The following IRS2 variants were observed in gnomAD, a reference collection of about 807,000 sequenced individuals.
IRS2 encodes the protein insulin receptor substrate 2.
IRS2 carries 28 observed loss-of-function variants against 70.9 expected under a neutral mutation model. The observed-to-expected ratio is 0.39, with a 90% CI of 0.29 to 0.54. The LOEUF is 0.54. Ranked by LOEUF, IRS2 falls within the 20% of genes least tolerant of loss-of-function variation. IRS2 has a pLI of 0.59. For synonymous variants in IRS2, 1,217 were observed against 981.9 expected (o/e 1.24, Z -4.48); for missense variants, 2,081 against 2,024.1 (o/e 1.03, Z -0.54).
chr13:109,780,300 T>G (rs1877667994), intron 1 of IRS2, among the ~76,000 whole-genome samples: 1 of 152,262 alleles, frequency 6.6e-6, no homozygotes, highest in Non-Finnish European at 1.5e-5. Context: ...GCTGTGTTTA[T>G]AATGGTCTGT....
Position 109,786,256 on chromosome 13 carries a change from G to A in IRS2, c.-203C>T, listed in dbSNP as rs868608961. 6.9e-3 allele frequency: 1,069 copies of A among 155,700 alleles called. 12 individuals carry two copies. The highest frequency in any genetic ancestry group is 0.024 in the African/African-American group (979 of 41,008). 9.6% of individuals were successfully genotyped at this position (155,700 alleles called of 1,614,324 possible). A position where few individuals can be genotyped will look rare whatever the true frequency, so the allele number is the denominator to read the frequency against. On this transcript the variant is annotated 5_prime_UTR_variant, in exon 1 of 2. Coordinates refer to ENST00000375856, the MANE Select transcript of IRS2 (RefSeq NM_003749.3). The surrounding 1 kb of genome is among the most constrained non-coding windows in gnomAD (Gnocchi z 4.4). Reference sequence around the variant, plus strand: ...CGCTCGGCGGCGCCGCGCCCTCCGCGCTCTGGGGCTCCTGAGGATGCCCGG... The same window carrying A: ...CGCTCGGCGGCGCCGCGCCCTCCGCACTCTGGGGCTCCTGAGGATGCCCGG...
rs1381868281 is a variant in IRS2 at position 109,785,919 on chromosome 13, C to G, written c.135G>C (p.Lys45Asn). The G allele has an allele frequency of 6.7e-7, 1 of 1,497,330 alleles. No individual in the cohort carries two copies. The highest frequency in any genetic ancestry group is 1.4e-5 in the African/African-American group (1 of 69,342). The allele number at this position is 1,497,330 out of a possible 1,614,324, so 92.8% of individuals were successfully genotyped here. The part of the protein sequence containing the change: ...GYLRKQKHGH[K>N]RFFVLRGPGA... Reference sequence around the variant, plus strand: ...CGGGTCCGCGCAGCACGAAGAAGCGCTTGTGGCCATGCTTCTGCTTGCGCA... The same window carrying G: ...CGGGTCCGCGCAGCACGAAGAAGCGGTTGTGGCCATGCTTCTGCTTGCGCA... Residue 45 changes from lysine (K) to asparagine (N), a missense_variant, in exon 1 of 2, where the codon AAG becomes AAC. Physicochemically the swap from Lys to Asn is moderately conservative, Grantham distance 94 (BLOSUM62 0). This residue lies in a region of IRS2 where 320 missense variants were observed against 352.9 expected (regional missense o/e 0.91). Coordinates refer to ENST00000375856, the MANE Select transcript of IRS2 (RefSeq NM_003749.3). This position sits in a 1 kb window ranked among gnomAD's most constrained non-coding sequence, Gnocchi z 9.3.
chr13:109,758,342 T>C (rs375006659), intron 1 of IRS2, among the ~76,000 whole-genome samples: 1 of 152,234 alleles, frequency 6.6e-6, no homozygotes, highest in East Asian at 1.9e-4. Context: ...AATTGCTTAT[T>C]TTATTTTGAC....
At chr13:109,768,609 G>A (rs896512450) in intron 1 of IRS2, among the ~76,000 whole-genome samples, 1 of 97,934 alleles carries the variant, frequency 1.0e-5, no homozygotes, top group African/African-American at 6.6e-5. Flanking sequence ...ATAAGCCGAT[G>A]GTTAGCAGGT....
chr13:109,785,219 C>T lies in IRS2; in HGVS notation c.835G>A (p.Val279Met), dbSNP rs756421554. ...ELWMQADDSV[V>M]AQNIHETILE... The stretch of plus-strand genomic sequence containing the variant: ...ATGGTCTCGTGGATGTTCTGCGCCA[C>T]CACCGAGTCGTCCGCCTGCATCCAC... The change falls in exon 1 of 2, where the codon GTG becomes ATG. Residue 279 changes from valine to methionine, a missense_variant. Physicochemically the swap from Val to Met is conservative, Grantham distance 21. Coordinates refer to ENST00000375856, the MANE Select transcript of IRS2 (RefSeq NM_003749.3). The surrounding 1 kb of genome is among the most constrained non-coding windows in gnomAD (Gnocchi z 9.3). 2 of 1,604,250 alleles carry T rather than the reference C, an allele frequency of 1.2e-6. No homozygotes were observed. Among genetic ancestry groups the T allele is most frequent in the Non-Finnish European group, 1.7e-6 (2 of 1,176,354 alleles).
chr13:109,757,922 T>C (rs1243361342), intron 1 of IRS2, among the ~76,000 whole-genome samples: 1 of 148,664 alleles, frequency 6.7e-6, no homozygotes, highest in African/African-American at 2.6e-5. Flanking sequence ...CCTCAGGTGA[T>C]CCACCCACTT....
chr13:109,783,719 T>C lies in IRS2; in HGVS notation c.2335A>G (p.Thr779Ala). 6.4e-7 allele frequency: 1 copy of C among 1,574,562 alleles called. No homozygotes were observed. The change falls in exon 1 of 2, where the codon ACC (threonine) becomes GCC (alanine). Residue 779 changes from threonine to alanine, a missense_variant. Physicochemically the swap from Thr to Ala is moderately conservative, Grantham distance 58. This residue lies in a region of IRS2 where 1,615 missense variants were observed against 1,459.5 expected (regional missense o/e 1.11). Coordinates refer to ENST00000375856, the MANE Select transcript of IRS2 (RefSeq NM_003749.3). ...GCTGCGGAGAAGAAGTCGGGCGGGG[T>C]GCCCGTGGTGACCGCGTCGCTGGGG... ...VSPSDAVTTG[T>A]PPDFFSAALH...
chr13:109,784,547 A>T lies in IRS2; in HGVS notation c.1507T>A (p.Tyr503Asn), dbSNP rs2138936182. The stretch of plus-strand genomic sequence containing the variant: ...CGCAGGTCGCCTGGGCTGGAGCCGT[A>T]CTCGTCCAGGGACATGAAGCCGGGG... ...SDPGFMSLDE[Y>N]GSSPGDLRAF... Residue 503 changes from tyrosine (Y) to asparagine (N), a missense_variant, in exon 1 of 2, where the codon TAC becomes AAC. Physicochemically the swap from Tyr to Asn is moderately radical, Grantham distance 143. Transcript: ENST00000375856. This position sits in a 1 kb window ranked among gnomAD's most constrained non-coding sequence, Gnocchi z 5.2. 1 of 1,490,658 alleles carries T rather than the reference A, an allele frequency of 6.7e-7. No homozygotes were observed. The highest frequency in any genetic ancestry group is 1.3e-5 in the South Asian group (1 of 75,864). 92.3% of individuals were successfully genotyped at this position (1,490,658 alleles called of 1,614,324 possible). A position where few individuals can be genotyped will look rare whatever the true frequency, so the allele number is the denominator to read the frequency against.
At position 109,756,111 on chromosome 13, in the gene IRS2, A is replaced by G; in HGVS notation, c.*193T>C. ...ACAATGATGAATGCCCCATCCGGGA[A>G]CAAGGGAAAGAGGCAGGTGACCTTG... On this transcript the variant is annotated 3_prime_UTR_variant, in exon 2 of 2. Coordinates refer to ENST00000375856, the MANE Select transcript of IRS2 (RefSeq NM_003749.3). 3.4e-6 allele frequency: 2 copies of G among 580,556 alleles called. No individual in the cohort carries two copies. The highest frequency in any genetic ancestry group is 2.8e-5 in the East Asian group (1 of 36,298). The allele number at this position is 580,556 out of a possible 1,614,324, so 36.0% of individuals were successfully genotyped here.
rs1293771876 is a variant in IRS2 at position 109,783,387 on chromosome 13, C to A, written c.2667G>T (p.Arg889Ser). The A allele has an allele frequency of 6.7e-7, 1 of 1,497,220 alleles. No individual in the cohort carries two copies. The highest frequency in any genetic ancestry group is 1.3e-5 in the South Asian group (1 of 78,772). The allele number at this position is 1,497,220 out of a possible 1,614,324, so 92.7% of individuals were successfully genotyped here. ...GFLGQRGRAV[R>S]PTRLSLEGLP... ...GCCCCTCCAGGGACAGGCGCGTGGG[C>A]CTCACCGCCCGGCCGCGCTGGCCCA... Residue 889 changes from arginine to serine, a missense_variant, in exon 1 of 2, where the codon AGG becomes AGT. Transcript: ENST00000375856.
Position 109,784,089 on chromosome 13 carries a change from G to A in IRS2, c.1965C>T (p.Pro655=), listed in dbSNP as rs1269184366. The change falls in exon 1 of 2, where the codon CCC becomes CCT. Residue 655 remains proline, a synonymous_variant. Transcript: ENST00000375856. The surrounding 1 kb of genome is among the most constrained non-coding windows in gnomAD (Gnocchi z 5.2). ...CCGCGAGGGCCGCGCCGGGCGTCAT[G>A]GGCATGTAGCCGTCGTCTGCCCCCA... ...SNLGADDGYM[P]MTPGAALAGS... 12 of 1,589,760 alleles carry A rather than the reference G, an allele frequency of 7.5e-6. No individual in the cohort carries two copies. The highest frequency in any genetic ancestry group is 1.0e-5 in the Non-Finnish European group (12 of 1,175,294).
chr13:109,758,190 T>C (rs1413362959), intron 1 of IRS2, among the ~76,000 whole-genome samples: 1 of 152,184 alleles, frequency 6.6e-6, no homozygotes. Context: ...AGGCATTTGC[T>C]AAAACACACC....
Position 109,783,538 on chromosome 13 carries a change from AG to A in IRS2, c.2515del (p.Leu839TrpfsTer27). ...GGGCCCTGGCGTGGCCTGAGGCTCC[AG>A]ACGCTCCTCCTCCAGGATGCGCCCC... ...PVGRILEEERLEPQATPGPSQ... is the reference protein window; with the variant it reads ...PVGRILEEERXEPQATPGPSQ... On this transcript the variant is annotated frameshift_variant, in exon 1 of 2. Coordinates refer to ENST00000375856, the MANE Select transcript of IRS2 (RefSeq NM_003749.3). LOFTEE classifies it high-confidence loss of function. The A allele has an allele frequency of 6.5e-7, 1 of 1,549,396 alleles. No homozygotes were observed. The highest frequency in any genetic ancestry group is 8.7e-7 in the Non-Finnish European group (1 of 1,146,752).
intron 1 of IRS2, among the ~76,000 whole-genome samples, chr13:109,772,688 A>ATTTTT (rs34886741): frequency 1.5e-5 from 2 of 130,876 alleles, no homozygotes; most frequent in African/African-American, 5.9e-5. Context: ...TGCCTATTAC[A>ATTTTT]TTTTTTTTTT....
In IRS2 at chr13:109,784,691, C is replaced by G. The variant is rs2138936580; in HGVS notation, c.1363G>C (p.Gly455Arg). ...PGSLSSSSGH[G>R]SGSYPPPPGP... ...GGCGGCGGCGGGTAGGAGCCCGAGC[C>G]GTGGCCGCTGCTGGACGACAGGGAG... The change falls in exon 1 of 2, where the codon GGC becomes CGC. Residue 455 changes from glycine to arginine, a missense_variant. Around this residue, in one of 4 missense-constraint regions of IRS2, gnomAD observed 1,615 missense variants for 1,459.5 expected, o/e 1.11. Transcript: ENST00000375856. The surrounding 1 kb of genome is among the most constrained non-coding windows in gnomAD (Gnocchi z 5.2). 1 of 1,235,156 alleles carries G rather than the reference C, an allele frequency of 8.1e-7. No individual in the cohort carries two copies. Among genetic ancestry groups the G allele is most frequent in the Non-Finnish European group, 1.0e-6 (1 of 991,642 alleles). The allele number at this position is 1,235,156 out of a possible 1,614,324, so 76.5% of individuals were successfully genotyped here. A position where few individuals can be genotyped will look rare whatever the true frequency, so the allele number is the denominator to read the frequency against.
In IRS2 at chr13:109,754,024, C is replaced by A. The variant is rs995151172; in HGVS notation, c.*2280G>T. ...GAGCAAGATAAGTTAAGTCTCTTGT[C>A]ATATCACAATAGCAAGAAATATATT... On this transcript the variant is annotated 3_prime_UTR_variant, in exon 2 of 2. Coordinates refer to ENST00000375856, the MANE Select transcript of IRS2 (RefSeq NM_003749.3). 4 of 230,972 alleles carry A rather than the reference C, an allele frequency of 1.7e-5. No individual in the cohort carries two copies. The highest frequency in any genetic ancestry group is 3.4e-5 in the Non-Finnish European group (4 of 116,568). The allele number at this position is 230,972 out of a possible 1,614,324, so 14.3% of individuals were successfully genotyped here.
At chr13:109,777,115 G>A (rs752126755) in intron 1 of IRS2, among the ~76,000 whole-genome samples, 1 of 152,144 alleles carries the variant, frequency 6.6e-6, no homozygotes, top group Non-Finnish European at 1.5e-5. Flanking sequence ...AATGCAGGAT[G>A]GGGGGCGGGG....
chr13:109,771,634 A>G (rs1877453194), intron 1 of IRS2, among the ~76,000 whole-genome samples: 1 of 152,234 alleles, frequency 6.6e-6, no homozygotes, highest in Admixed American at 6.5e-5. Context: ...ACGTTATTTT[A>G]GGTTGCTTTT....
chr13:109,781,393 A>T (rs1409259772), intron 1 of IRS2, among the ~76,000 whole-genome samples: 1 of 152,190 alleles, frequency 6.6e-6, no homozygotes, highest in African/African-American at 2.4e-5. Context: ...CAAGTTGAAC[A>T]CCACTGCATT....
Sources: allele counts gnomAD v4.1 joint callset (sites outside exome capture counted in the v4.1 genomes callset), GRCh38; gene constraint gnomAD v4.1.1; regional missense constraint gnomAD v4.1.1; non-coding constraint Gnocchi (gnomAD v3.1); transcripts MANE v1.5; gene names NCBI Gene and HGNC (gene_info 2026-07-23, HGNC 2026-07-21).